Variants in DYNLT2 observed in about 807,000 individuals in gnomAD.
DYNLT2 encodes the protein dynein light chain Tctex-type protein 2.
Under a neutral mutation model 24.3 loss-of-function variants are expected in DYNLT2, and 24 were observed. That is an observed-to-expected ratio of 0.99 (90% confidence interval 0.71 to 1.39). The LOEUF (loss-of-function observed/expected upper bound fraction) is 1.39, where lower values mean the gene tolerates loss of function less well. Among genes scored for constraint, DYNLT2 ranks in the 40% most tolerant of loss-of-function variants. The pLI is 0.00. For missense variants in DYNLT2, 246 were observed against 234.5 expected (o/e 1.05, Z -0.32); for synonymous variants, 85 against 85.4 (o/e 1.00, Z 0.03).
chr6:169,731,605 C>T, the DYNLT2 span, among the ~76,000 whole-genome samples: 1 of 151,964 alleles, frequency 6.6e-6, no homozygotes, highest in South Asian at 2.1e-4. Flanking sequence ...TCTGCATCTC[C>T]AACAGTGCCT....
Position 169,751,326 on chromosome 6 carries a change from T to C in DYNLT2, c.120+13A>G, listed in dbSNP as rs1460903342. ...CATAGCCGTCTCGGGCCCCTAGCAG[T>C]CTCCGCACTCACTGCCTCCTTCTCG... On this transcript the variant is annotated intron_variant, in intron 1 of 3. Coordinates refer to ENST00000366774, the MANE Select transcript of DYNLT2 (RefSeq NM_174910.3). 5.0e-6 allele frequency: 8 copies of C among 1,612,694 alleles called. No individual in the cohort carries two copies. The highest frequency in any genetic ancestry group is 1.7e-5 in the Admixed American group (1 of 59,876).
chr6:169,730,843 A>C, the DYNLT2 span, among the ~76,000 whole-genome samples: 1 of 152,210 alleles, frequency 6.6e-6, no homozygotes, highest in Non-Finnish European at 1.5e-5. Context: ...GCTTGCAGTG[A>C]GCCGATGGAC....
intron 3 of DYNLT2, among the ~76,000 whole-genome samples, chr6:169,741,695 G>A (rs1789683254): frequency 6.6e-6 from 1 of 152,032 alleles, no homozygotes; most frequent in African/African-American, 2.4e-5. Flanking sequence ...TGCACTTGAA[G>A]TTTTCTCTGC....
At position 169,751,415 on chromosome 6, in the gene DYNLT2, G is replaced by T. The variant is rs371900425; in HGVS notation, c.44C>A (p.Thr15Asn). The T allele has an allele frequency of 3.1e-6, 5 of 1,614,060 alleles. No homozygotes were observed. The highest frequency in any genetic ancestry group is 4.2e-6 in the Non-Finnish European group (5 of 1,180,052). ...GRGVKSSPIQ[T>N]PNQTPQQAPV... ...AGCCTGCTGAGGGGTCTGGTTCGGG[G>T]TCTGGATGGGGCTCGACTTCACGCC... is the stretch of plus-strand genomic sequence containing the variant. The change falls in exon 1 of 4, where the codon ACC becomes AAC. Residue 15 changes from threonine to asparagine, a missense_variant. Physicochemically the swap from Thr to Asn is moderately conservative, Grantham distance 65. Transcript: ENST00000366774.
chr6:169,737,520 T>G (rs1789586787), downstream of DYNLT2, among the ~76,000 whole-genome samples: 1 of 152,112 alleles, frequency 6.6e-6, no homozygotes, highest in African/African-American at 2.4e-5. Context: ...CCTTTTTTGT[T>G]GTTGTTGTTG....
chr6:169,747,010 T>G (rs1439133362), intron 1 of DYNLT2, among the ~76,000 whole-genome samples: 1 of 150,840 alleles, frequency 6.6e-6, no homozygotes, highest in Non-Finnish European at 1.5e-5. Context: ...TGTTCAGCTT[T>G]TTACTTGTTA....
the DYNLT2 span, among the ~76,000 whole-genome samples, chr6:169,726,649 G>T: frequency 6.6e-6 from 1 of 152,200 alleles, no homozygotes; most frequent in Non-Finnish European, 1.5e-5. Context: ...CTTATTAGCT[G>T]TGTGATCAAA....
downstream of DYNLT2, among the ~76,000 whole-genome samples, chr6:169,736,107 TTTG>T (rs752179539): frequency 1.8e-4 from 28 of 151,878 alleles, no homozygotes; most frequent in Non-Finnish European, 3.2e-4. Context: ...CAACCCCTGT[TTTG>T]TTGTTGTTGT....
the DYNLT2 span, among the ~76,000 whole-genome samples, chr6:169,733,046 C>G: frequency 6.6e-6 from 1 of 151,788 alleles, no homozygotes; most frequent in South Asian, 2.1e-4. Context: ...TGATGTTGAG[C>G]TTTTTTTCCA....
chr6:169,733,103 C>A, the DYNLT2 span, among the ~76,000 whole-genome samples: 3 of 151,402 alleles, frequency 2.0e-5, no homozygotes, highest in African/African-American at 7.3e-5. Context: ...AATGTCTGTT[C>A]ATATCCTTTG....
the DYNLT2 span, among the ~76,000 whole-genome samples, chr6:169,728,315 G>A: frequency 9.2e-5 from 14 of 152,206 alleles, 1 homozygote; most frequent in African/African-American, 3.4e-4. Flanking sequence ...TTAGAGAATG[G>A]CTGTCTTCGG....
At chr6:169,740,547 G>C (rs1250920164) in intron 3 of DYNLT2, among the ~76,000 whole-genome samples, 1 of 152,100 alleles carries the variant, frequency 6.6e-6, no homozygotes, top group East Asian at 1.9e-4. Flanking sequence ...CCAGGGCCAG[G>C]AGCAGAAGGC....
Position 169,741,645 on chromosome 6 carries a change from A to C in DYNLT2, c.487-1350T>G, listed in dbSNP as rs542563006. 1.1e-3 allele frequency among the ~76,000 whole-genome samples: 174 copies of C among 152,146 alleles called. 6 individuals are homozygous for C. Among genetic ancestry groups the C allele is most frequent in the Non-Finnish European group, 1.3e-3 (89 of 68,020 alleles). Reference sequence around the variant, plus strand: ...AGCTACTAGTCCAGCTACACTTGTTACATATCAAGCACTCCAAGTCATCCC... The same window carrying C: ...AGCTACTAGTCCAGCTACACTTGTTCCATATCAAGCACTCCAAGTCATCCC... On this transcript the variant is annotated intron_variant, in intron 3 of 3. Coordinates refer to ENST00000366774, the MANE Select transcript of DYNLT2 (RefSeq NM_174910.3).
the DYNLT2 span, among the ~76,000 whole-genome samples, chr6:169,726,880 G>C: frequency 6.6e-6 from 1 of 152,082 alleles, no homozygotes; most frequent in Admixed American, 6.6e-5. Context: ...ACTGATAAGG[G>C]GGAAAAAAGC....
At position 169,751,377 on chromosome 6, in the gene DYNLT2, T is replaced by G. The variant is rs141108786; in HGVS notation, c.82A>C (p.Arg28=). The G allele has an allele frequency of 1.9e-6, 3 of 1,614,166 alleles. No homozygotes were observed. The South Asian group carries it at 3.3e-5, about 18-fold the overall frequency. The change falls in exon 1 of 4, where the codon AGG becomes CGG. Residue 28 remains arginine, a synonymous_variant. Transcript: ENST00000366774. ...QTPQQAPVTP[R]KERRPSMFEK... Reference sequence around the variant, plus strand: ...AACATGCTAGGCCTCCTTTCTTTCCTAGGCGTCACCGGAGCCTGCTGAGGG... The same window carrying G: ...AACATGCTAGGCCTCCTTTCTTTCCGAGGCGTCACCGGAGCCTGCTGAGGG...
intron 3 of DYNLT2, among the ~76,000 whole-genome samples, 189 bp downstream of exon 3, chr6:169,742,891 A>G (rs1789710382): frequency 6.6e-6 from 1 of 152,086 alleles, no homozygotes; most frequent in South Asian, 2.1e-4. Context: ...GAGCCAACGA[A>G]CCCAGCTGGT....
At chr6:169,732,056 A>G in the DYNLT2 span, among the ~76,000 whole-genome samples, 21 of 152,320 alleles carry the variant, frequency 1.4e-4, no homozygotes, top group South Asian at 4.1e-4. Context: ...AAATTGCATG[A>G]TATGACATAT....
At chr6:169,732,466 G>T in the DYNLT2 span, among the ~76,000 whole-genome samples, 1 of 152,108 alleles carries the variant, frequency 6.6e-6, no homozygotes, top group Non-Finnish European at 1.5e-5. Context: ...AGGCCCTGGT[G>T]TGTGTTGTTC....
intron 3 of DYNLT2, among the ~76,000 whole-genome samples, chr6:169,741,654 G>A (rs893276960): frequency 5.9e-5 from 9 of 151,998 alleles, no homozygotes; most frequent in Non-Finnish European, 8.8e-5. Flanking sequence ...TACATATCAA[G>A]CACTCCAAGT....
Sources: gnomAD v4.1 joint callset for allele counts (sites outside exome capture counted in the v4.1 genomes callset) on GRCh38, gnomAD v4.1.1 for gene constraint, MANE v1.5 for transcripts, NCBI Gene and HGNC (gene_info 2026-07-23, HGNC 2026-07-21) for gene names.